The following ASIC2 variants were observed in gnomAD, a reference collection of about 807,000 sequenced individuals.
The protein encoded by ASIC2 is acid-sensing ion channel 2.
Under a neutral mutation model 57.3 loss-of-function variants are expected in ASIC2, and 25 were observed. That is an observed-to-expected ratio of 0.44 (90% confidence interval 0.32 to 0.61). The LOEUF (loss-of-function observed/expected upper bound fraction) is 0.61. Ranked by LOEUF, ASIC2 falls within the 20% of genes least tolerant of loss-of-function variation. The pLI is 0.06. For synonymous variants in ASIC2, 319 were observed against 307.5 expected (o/e 1.04, Z -0.39); for missense variants, 641 against 738.1 (o/e 0.87, Z 1.52).
chr17:33,095,003 A>G (rs2092172573), intron 2 of ASIC2, among the ~76,000 whole-genome samples: 1 of 152,154 alleles, frequency 6.6e-6, no homozygotes, highest in South Asian at 2.1e-4. Context: ...CTTGGAGCCT[A>G]ATTTTTCTCA....
intron 1 of ASIC2, among the ~76,000 whole-genome samples, chr17:33,668,555 G>A (rs1282791887): frequency 6.6e-6 from 1 of 152,062 alleles, no homozygotes; most frequent in Non-Finnish European, 1.5e-5. Context: ...TGATGAGATT[G>A]GACCCACCTG....
chr17:33,334,510 C>T (rs1907438008), intron 1 of ASIC2, among the ~76,000 whole-genome samples: 1 of 152,188 alleles, frequency 6.6e-6, no homozygotes, highest in Non-Finnish European at 1.5e-5. Context: ...GACCAACTGT[C>T]CTTTTGTGAC....
At position 33,291,442 on chromosome 17, in the gene ASIC2, C is replaced by T. The variant is rs1316837652; in HGVS notation, c.674G>A (p.Arg225His). Reference protein sequence around the residue: ...LEDMLLSCKYRGELCGPHNFS... With the variant: ...LEDMLLSCKYHGELCGPHNFS... ...GTTGTGCGGCCCGCAGAGCTCGCCG[C>T]GGTACTTGCAGGAGAGCAGCATGTC... is the stretch of plus-strand genomic sequence containing the variant. The change falls in exon 1 of 10, where the codon CGC (arginine) becomes CAC (histidine). Residue 225 changes from arginine to histidine, a missense_variant. Physicochemically the swap from Arg to His is conservative, Grantham distance 29 (BLOSUM62 0). This residue lies in a region of ASIC2 where 382 missense variants were observed against 398.0 expected (regional missense o/e 0.96). Coordinates refer to ENST00000225823, the MANE Select transcript of ASIC2 (RefSeq NM_183377.2). 6.2e-7 allele frequency: 1 copy of T among 1,607,088 alleles called. No individual in the cohort carries two copies. The highest frequency in any genetic ancestry group is 8.5e-7 in the Non-Finnish European group (1 of 1,176,770).
chr17:33,693,866 G>A (rs1439628662), intron 1 of ASIC2, among the ~76,000 whole-genome samples: 1 of 152,124 alleles, frequency 6.6e-6, no homozygotes, highest in African/African-American at 2.4e-5. Context: ...GATAGGAGAG[G>A]GCTCTAGAAT....
At position 33,213,024 on chromosome 17, in the gene ASIC2, T is replaced by C. The variant is rs1907337998; in HGVS notation, c.708+78384A>G. On this transcript the variant is annotated intron_variant, in intron 1 of 9. Coordinates refer to ENST00000225823, the MANE Select transcript of ASIC2 (RefSeq NM_183377.2). ...TATATCTATGTGCTAAGCAAACTAA[T>C]CGTATAAACACAGTTTGGGTAGAAT... Among the ~76,000 whole-genome samples the C allele has an allele frequency of 2.0e-5, 3 of 152,158 alleles. 1 individual carries two copies. The highest frequency in any genetic ancestry group is 4.4e-5 in the Non-Finnish European group (3 of 68,036).
rs987937963 is a variant in ASIC2 at position 33,880,849 on chromosome 17, C to A, written c.555+275129G>T. 3.3e-5 allele frequency among the ~76,000 whole-genome samples: 5 copies of A among 152,100 alleles called. No individual in the cohort carries two copies. The South Asian group carries it at 6.2e-4, about 19-fold the overall frequency. ...CCAATATCCCTGATGAACATCGATG[C>A]AAAAATCCTCAATAAAATACTGGCA... On this transcript the variant is annotated intron_variant, in intron 1 of 9. Transcript: ENST00000359872.
At chr17:33,380,771 C>T (rs1367041369) in intron 1 of ASIC2, among the ~76,000 whole-genome samples, 2 of 152,146 alleles carry the variant, frequency 1.3e-5, no homozygotes, top group Admixed American at 6.5e-5. Context: ...TTTTAAAAGG[C>T]GGAGGTTCCT....
intron 1 of ASIC2, among the ~76,000 whole-genome samples, chr17:34,094,225 G>A (rs1388451596): frequency 2.0e-5 from 3 of 152,160 alleles, no homozygotes; most frequent in Non-Finnish European, 4.4e-5. Flanking sequence ...ATAAAGAGGA[G>A]TTGCAATCAA....
At chr17:33,645,756 A>G (rs1311837957) in intron 1 of ASIC2, among the ~76,000 whole-genome samples, 2 of 152,102 alleles carry the variant, frequency 1.3e-5, no homozygotes, top group African/African-American at 2.4e-5. Flanking sequence ...ATCTGTGACT[A>G]TCTTCTGCTG....
intron 6 of ASIC2, among the ~76,000 whole-genome samples, chr17:33,023,497 A>G (rs2091846521): frequency 6.6e-6 from 1 of 151,912 alleles, no homozygotes; most frequent in Admixed American, 6.6e-5. Flanking sequence ...CTCAAAAAAA[A>G]AAAAAAGAAA....
chr17:34,059,356 A>T (rs1052016947), intron 1 of ASIC2, among the ~76,000 whole-genome samples: 3 of 152,184 alleles, frequency 2.0e-5, no homozygotes, highest in African/African-American at 7.2e-5. Flanking sequence ...CTGGGTCTCT[A>T]AGCAGCCCAT....
chr17:33,060,128 G>C (rs2092014764), intron 3 of ASIC2, among the ~76,000 whole-genome samples: 1 of 152,094 alleles, frequency 6.6e-6, no homozygotes, highest in Non-Finnish European at 1.5e-5. Context: ...TCACTCTGAT[G>C]GTAGTTTCTT....
At chr17:33,313,969 A>T (rs560656129) in intron 1 of ASIC2, among the ~76,000 whole-genome samples, 11 of 151,902 alleles carry the variant, frequency 7.2e-5, no homozygotes, top group African/African-American at 2.7e-4. Context: ...CTCACAGAGG[A>T]TGTGTTATTT....
At chr17:33,756,967 G>A (rs939215044) in intron 1 of ASIC2, among the ~76,000 whole-genome samples, 3 of 152,186 alleles carry the variant, frequency 2.0e-5, no homozygotes, top group Admixed American at 6.5e-5. Context: ...AGGTTTTGAG[G>A]AGAATCCATT....
chr17:33,566,200 C>T (rs1916228707), intron 1 of ASIC2, among the ~76,000 whole-genome samples: 1 of 152,190 alleles, frequency 6.6e-6, no homozygotes, highest in Non-Finnish European at 1.5e-5. Context: ...TTCTGCCTAG[C>T]TCAGGACAAA....
chr17:33,896,239 T>A lies in ASIC2; in HGVS notation c.555+259739A>T, dbSNP rs576357934. ...AGCCTGACTTCAGGCCAAGGATGTGTCTTTTCTTCTTGGTTAGAATGTTCC... is the reference window on the plus strand; with the variant it reads ...AGCCTGACTTCAGGCCAAGGATGTGACTTTTCTTCTTGGTTAGAATGTTCC... On this transcript the variant is annotated intron_variant, in intron 1 of 9. Transcript: ENST00000359872. 6.6e-4 allele frequency among the ~76,000 whole-genome samples: 101 copies of A among 152,360 alleles called. 2 individuals carry two copies. In the South Asian group the frequency reaches 0.021, roughly 31 times the overall value.
chr17:33,288,761 A>ACAG (rs1567811511), intron 1 of ASIC2, among the ~76,000 whole-genome samples: 2 of 127,094 alleles, frequency 1.6e-5, no homozygotes, highest in Non-Finnish European at 3.5e-5. Context: ...CACACACACA[A>ACAG]CTAATATGGT....
chr17:33,254,928 T>A (rs1158196105), intron 1 of ASIC2, among the ~76,000 whole-genome samples: 1 of 152,070 alleles, frequency 6.6e-6, no homozygotes, highest in Non-Finnish European at 1.5e-5. Flanking sequence ...GTTGGGGAGT[T>A]CTATGGAATT....
intron 1 of ASIC2, among the ~76,000 whole-genome samples, chr17:33,613,647 G>A (rs9889987): frequency 0.44 from 67,454 of 151,884 alleles, 15,283 homozygotes; most frequent in Middle Eastern, 0.53. Context: ...GATTACAGGC[G>A]TGAGCCACCG....
Sources: gnomAD v4.1 joint callset for allele counts (sites outside exome capture counted in the v4.1 genomes callset) on GRCh38, gnomAD v4.1.1 for gene constraint, gnomAD v4.1.1 regional missense constraint, MANE v1.5 for transcripts, NCBI Gene and HGNC (gene_info 2026-07-23, HGNC 2026-07-21) for gene names.